Variants in ASAP1 observed in about 807,000 individuals in gnomAD.
ASAP1 encodes the protein ArfGAP with SH3 domain, ankyrin repeat and PH domain 1, also known as arf-GAP with SH3 domain, ANK repeat and PH domain-containing protein 1.
In ASAP1, 43 loss-of-function variants were observed where a neutral mutation model predicts 145.2. The observed-to-expected ratio is 0.30, with a 90% CI of 0.23 to 0.38. ASAP1 has a LOEUF of 0.38. ASAP1 is among the 10% of genes least tolerant of loss of function. ASAP1 has a pLI of 1.00. For missense variants in ASAP1, 1,018 were observed against 1,355.3 expected, an observed-to-expected ratio of 0.75 and a Z score of 3.91; for synonymous variants, 546 against 515.5, an observed-to-expected ratio of 1.06 and a Z score of -0.80.
chr8:130,179,320 G>A lies in ASAP1; in HGVS notation c.690C>T (p.Thr230=). The stretch of plus-strand genomic sequence containing the variant: ...TCTGCAGCAGATCCACACCCTTTTT[G>A]GTCTTGATTTCATTAACTTTAATGA... ...EYLIKVNEIK[T]KKGVDLLQNL... Residue 230 remains threonine, a synonymous_variant, in exon 9 of 30, where the codon ACC becomes ACT. Coordinates refer to ENST00000518721, the MANE Select transcript of ASAP1 (RefSeq NM_018482.4). The A allele has an allele frequency of 1.2e-6, 2 of 1,609,296 alleles. No homozygotes were observed. Among genetic ancestry groups the A allele is most frequent in the Non-Finnish European group, 1.7e-6 (2 of 1,175,730 alleles).
chr8:130,256,307 A>G (rs779743134), intron 3 of ASAP1, among the ~76,000 whole-genome samples: 2 of 151,904 alleles, frequency 1.3e-5, no homozygotes, highest in African/African-American at 4.8e-5. Context: ...TACTTTTGTA[A>G]AGCAAATGGT....
intron 8 of ASAP1, 91 bp from the exon 9 acceptor site, chr8:130,179,440 T>C (rs1814195707): frequency 2.7e-6 from 2 of 736,908 alleles, no homozygotes; most frequent in Non-Finnish European, 4.7e-6. Context: ...CCCCTGAATC[T>C]GCACAAGTTA....
At chr8:130,123,940 A>T in intron 18 of ASAP1, 73 bp downstream of exon 18, 2 of 1,202,176 alleles carry the variant, frequency 1.7e-6, no homozygotes, top group Non-Finnish European at 2.4e-6. Flanking sequence ...AAAAAAAAAA[A>T]GAAGTTTTTT....
chr8:130,276,451 A>C (rs1820885434), intron 3 of ASAP1, among the ~76,000 whole-genome samples: 1 of 152,162 alleles, frequency 6.6e-6, no homozygotes, highest in Non-Finnish European at 1.5e-5. Context: ...TACTGTAGCC[A>C]ATCATGGACT....
intron 2 of ASAP1, among the ~76,000 whole-genome samples, chr8:130,369,143 G>C (rs1226513873): frequency 6.6e-6 from 1 of 152,190 alleles, no homozygotes; most frequent in Non-Finnish European, 1.5e-5. Flanking sequence ...ATCGTATACA[G>C]GTTGAGTATT....
chr8:130,109,804 G>A (rs1015988329), intron 24 of ASAP1, among the ~76,000 whole-genome samples: 11 of 152,140 alleles, frequency 7.2e-5, no homozygotes, highest in Admixed American at 2.0e-4. Flanking sequence ...ATGGGATATC[G>A]CACACTTCAA....
intron 24 of ASAP1, among the ~76,000 whole-genome samples, chr8:130,095,294 A>ATTTTTTT (rs71302392): frequency 2.1e-5 from 2 of 95,704 alleles, no homozygotes; most frequent in Non-Finnish European, 3.9e-5. Context: ...TAGGCCAGTG[A>ATTTTTTT]TTTTTTTTTT....
At chr8:130,355,015 A>G (rs1409568694) in intron 3 of ASAP1, among the ~76,000 whole-genome samples, 3 of 152,138 alleles carry the variant, frequency 2.0e-5, no homozygotes, top group Non-Finnish European at 4.4e-5. Flanking sequence ...CCTCCCAAGA[A>G]GCTGCGACTA....
intron 24 of ASAP1, among the ~76,000 whole-genome samples, chr8:130,097,160 A>AAAAAAAAC (rs2097520028): frequency 7.5e-6 from 1 of 133,936 alleles, no homozygotes; most frequent in Non-Finnish European, 1.6e-5. Flanking sequence ...AAAAAAAAAA[A>AAAAAAAAC]AGTCCTTGAA....
At chr8:130,406,358 AGATCCTGTACTCTAACAGTAT>A in intron 1 of ASAP1, among the ~76,000 whole-genome samples, 1 of 152,358 alleles carries the variant, frequency 6.6e-6, no homozygotes, top group Non-Finnish European at 1.5e-5. Flanking sequence ...CTTCCTTGCC[AGATCCTGTACTCTAACAGTAT>A]GACTTATTAA....
intron 2 of ASAP1, among the ~76,000 whole-genome samples, chr8:130,397,338 G>A (rs1354731116): frequency 3.9e-5 from 6 of 152,114 alleles, no homozygotes; most frequent in East Asian, 1.9e-4. Flanking sequence ...ACAGGGTTTC[G>A]CCATGTTGGC....
intron 4 of ASAP1, among the ~76,000 whole-genome samples, chr8:130,223,663 A>C (rs1817424563): frequency 6.6e-6 from 1 of 152,042 alleles, no homozygotes; most frequent in Non-Finnish European, 1.5e-5. Flanking sequence ...AATAGATGAG[A>C]AAGACTATGA....
intron 24 of ASAP1, among the ~76,000 whole-genome samples, chr8:130,107,183 C>CTTTT (rs34978580): frequency 3.3e-5 from 4 of 119,660 alleles, no homozygotes; most frequent in Admixed American, 9.3e-5. Context: ...TCTTCTTCTT[C>CTTTT]TTTTTTTTTT....
chr8:130,300,143 C>CAGAG (rs1458876507), intron 3 of ASAP1, among the ~76,000 whole-genome samples: 24 of 111,758 alleles, frequency 2.1e-4, no homozygotes, highest in African/African-American at 9.6e-4. Context: ...CACACACACA[C>CAGAG]ACACACACAC....
rs529065791 is a variant in ASAP1, at chr8:130,161,205, T to TA, written c.910-1242dup. 6.8e-3 allele frequency among the ~76,000 whole-genome samples: 1,035 copies of TA among 152,304 alleles called. 5 individuals are homozygous for TA. Among genetic ancestry groups the TA allele is most frequent in the Non-Finnish European group, 0.012 (783 of 68,032 alleles). ...AAATTGTAGCAGGACTTTTTTTTTT[T>TA]ATTTTTCCCCAAGGGAAAAGAACTT... On this transcript the variant is annotated intron_variant, in intron 11 of 29. Coordinates refer to ENST00000518721, the MANE Select transcript of ASAP1 (RefSeq NM_018482.4).
intron 4 of ASAP1, among the ~76,000 whole-genome samples, chr8:130,227,514 TC>T (rs1817654026): frequency 6.6e-6 from 1 of 151,986 alleles, no homozygotes; most frequent in Non-Finnish European, 1.5e-5. Flanking sequence ...TCCCTTGGCC[TC>T]CCAAAGTGCT....
chr8:130,434,900 A>T (rs2138806469), intron 1 of ASAP1, among the ~76,000 whole-genome samples: 1 of 152,244 alleles, frequency 6.6e-6, no homozygotes, highest in African/African-American at 2.4e-5. Context: ...CCTTAGCTCG[A>T]ACAAGCTTTG....
intron 3 of ASAP1, among the ~76,000 whole-genome samples, chr8:130,356,488 T>G (rs928856209): frequency 2.0e-5 from 3 of 152,136 alleles, no homozygotes; most frequent in African/African-American, 7.2e-5. Flanking sequence ...TGCCTGGCAA[T>G]TCTGTTTAAT....
intron 2 of ASAP1, among the ~76,000 whole-genome samples, chr8:130,384,127 C>T (rs1427169704): frequency 6.6e-6 from 1 of 152,168 alleles, no homozygotes. Context: ...TGCATGGCTC[C>T]AGGTCCTCTT....
Sources: allele counts gnomAD v4.1 joint callset (sites outside exome capture counted in the v4.1 genomes callset), GRCh38; gene constraint gnomAD v4.1.1; transcripts MANE v1.5; gene names NCBI Gene and HGNC (gene_info 2026-07-23, HGNC 2026-07-21).